SUMO2: variants seen among roughly 807,000 people sequenced by gnomAD.
SUMO2 encodes small ubiquitin like modifier 2, also known as small ubiquitin-related modifier 2.
Under a neutral mutation model 16.0 loss-of-function variants are expected in SUMO2, and 1 was observed. The observed-to-expected ratio is 0.06, with a 90% CI of 0.02 to 0.30. SUMO2 has a LOEUF of 0.30. Among genes scored for constraint, SUMO2 ranks in the 10% least tolerant of loss-of-function variants. SUMO2 has a pLI of 1.00. For missense variants in SUMO2, 16 were observed against 117.5 expected (o/e 0.14, Z 3.99); for synonymous variants, 36 against 40.6 (o/e 0.89, Z 0.43).
intron 3 of SUMO2, 29 bp downstream of exon 3, chr17:75,174,723 A>G: frequency 6.3e-7 from 1 of 1,596,840 alleles, no homozygotes. Context: ...ACAAATGGTA[A>G]TTTTTCTAAT....
chr17:75,181,033 G>C (rs374831714), intron 2 of SUMO2, 24 bp downstream of exon 2: 24 of 1,612,588 alleles, frequency 1.5e-5, no homozygotes, highest in Non-Finnish European at 2.0e-5. Flanking sequence ...TTATTCAGTG[G>C]AAGTACACAT....
intron 3 of SUMO2, among the ~76,000 whole-genome samples, chr17:75,172,487 ATTTTT>A (rs566106618): frequency 7.7e-6 from 1 of 129,120 alleles, no homozygotes; most frequent in Non-Finnish European, 1.7e-5. Flanking sequence ...GCCTGGCTAA[ATTTTT>A]TTTTTTTTTT....
chr17:75,182,758 G>A (rs2074839860), intron 1 of SUMO2, 56 bp downstream of exon 1: 2 of 1,274,650 alleles, frequency 1.6e-6, no homozygotes, highest in Non-Finnish European at 2.0e-6. Context: ...CCGGACCCCG[G>A]CCCGCGCCAT....
chr17:75,173,790 C>A lies in SUMO2; in HGVS notation c.225+962G>T, dbSNP rs549103636. ...CTTGAAAATGGCTCTCATGAGCCAC[C>A]CTGCTAGGACAAAACTGGAAGTATT... On this transcript the variant is annotated intron_variant, in intron 3 of 3. Coordinates refer to ENST00000420826, the MANE Select transcript of SUMO2 (RefSeq NM_006937.4). Among the ~76,000 whole-genome samples, 4 of 152,218 alleles carry A rather than the reference C, an allele frequency of 2.6e-5. No individual in the cohort carries two copies. In the East Asian group the frequency reaches 7.7e-4, roughly 29 times the overall value.
chr17:75,179,266 C>T (rs561961008), intron 2 of SUMO2, among the ~76,000 whole-genome samples: 6 of 151,948 alleles, frequency 3.9e-5, no homozygotes, highest in Non-Finnish European at 7.4e-5. Context: ...CAGTGGCTCA[C>T]GCCTGTAATC....
chr17:75,168,465 G>T, intron 3 of SUMO2, 64 bp from the exon 4 acceptor site: 1 of 1,448,264 alleles, frequency 6.9e-7, no homozygotes, highest in Non-Finnish European at 9.4e-7. Context: ...ATGATTTTTG[G>T]GTTTAAGTAT....
At chr17:75,176,477 G>A (rs553862967) in intron 2 of SUMO2, among the ~76,000 whole-genome samples, 1 of 151,956 alleles carries the variant, frequency 6.6e-6, no homozygotes, top group Non-Finnish European at 1.5e-5. Context: ...TTAGCCGAGT[G>A]TGGTGGCATC....
At chr17:75,181,303 T>C in intron 1 of SUMO2, 115 bp from the exon 2 acceptor site, 1 of 1,059,176 alleles carries the variant, frequency 9.4e-7, no homozygotes, top group Non-Finnish European at 1.4e-6. Flanking sequence ...TACTGTATGC[T>C]AAAACGGCAT....
chr17:75,172,484 TA>T (rs2145218777), intron 3 of SUMO2, among the ~76,000 whole-genome samples: 1 of 146,558 alleles, frequency 6.8e-6, no homozygotes. Flanking sequence ...CATGCCTGGC[TA>T]AATTTTTTTT....
chr17:75,174,957 C>T, intron 2 of SUMO2, 134 bp from the exon 3 acceptor site: 2 of 739,382 alleles, frequency 2.7e-6, no homozygotes, highest in South Asian at 3.8e-5. Flanking sequence ...GTTAACATAC[C>T]CTATAGGTAA....
chr17:75,179,999 C>T (rs956345091), intron 2 of SUMO2, among the ~76,000 whole-genome samples: 1 of 152,078 alleles, frequency 6.6e-6, no homozygotes, highest in Admixed American at 6.6e-5. Flanking sequence ...AACTCAATTT[C>T]CCAACTTACA....
At chr17:75,172,038 A>C (rs1159971362) in intron 3 of SUMO2, among the ~76,000 whole-genome samples, 3 of 139,622 alleles carry the variant, frequency 2.1e-5, no homozygotes, top group Admixed American at 7.5e-5. Flanking sequence ...ACAGGGTTTC[A>C]CTCTTTCACC....
chr17:75,179,236 A>G (rs529347596), intron 2 of SUMO2, among the ~76,000 whole-genome samples: 1 of 151,976 alleles, frequency 6.6e-6, no homozygotes, highest in East Asian at 2.0e-4. Flanking sequence ...AAATAAGAGT[A>G]TATGGTATCT....
At chr17:75,178,709 C>T (rs1452291725) in intron 2 of SUMO2, among the ~76,000 whole-genome samples, 1 of 151,932 alleles carries the variant, frequency 6.6e-6, no homozygotes, top group Non-Finnish European at 1.5e-5. Context: ...GCCTGGACTA[C>T]AGGTATGTGC....
chr17:75,174,874 AT>A (rs1384208757), intron 2 of SUMO2, 51 bp from the exon 3 acceptor site: 1 of 1,516,162 alleles, frequency 6.6e-7, no homozygotes. Flanking sequence ...ACAGAATTCT[AT>A]TTACATAAAA....
chr17:75,168,988 C>T (rs1338911632), intron 3 of SUMO2, among the ~76,000 whole-genome samples: 1 of 147,088 alleles, frequency 6.8e-6, no homozygotes, highest in Non-Finnish European at 1.5e-5. Flanking sequence ...TGGAGGCCAA[C>T]ATTGGAGGAT....
At chr17:75,182,637 G>T in intron 1 of SUMO2, 177 bp downstream of exon 1, 1 of 409,052 alleles carries the variant, frequency 2.4e-6, no homozygotes, top group Non-Finnish European at 3.9e-6. Context: ...CTTCGGCGCG[G>T]GAGGGAGGAA....
chr17:75,179,569 A>G (rs2074810736), intron 2 of SUMO2, among the ~76,000 whole-genome samples: 1 of 151,940 alleles, frequency 6.6e-6, no homozygotes, highest in Non-Finnish European at 1.5e-5. Context: ...GGAACTACAT[A>G]CAAGAAGGTT....
chr17:75,169,866 T>TG (rs1193243883), intron 3 of SUMO2, among the ~76,000 whole-genome samples: 6,673 of 64,126 alleles, frequency 0.1, 293 homozygotes, highest in East Asian at 0.2. Context: ...AAAAAAAAGG[T>TG]GGGGGGGGGC....
Sources: gnomAD v4.1 joint callset for allele counts (sites outside exome capture counted in the v4.1 genomes callset) on GRCh38, gnomAD v4.1.1 for gene constraint, MANE v1.5 for transcripts, NCBI Gene and HGNC (gene_info 2026-07-23, HGNC 2026-07-21) for gene names.